The following IQSEC2 variants were observed in gnomAD, a reference collection of about 807,000 sequenced individuals.
IQSEC2 encodes IQ motif and SEC7 domain-containing protein 2.
Under a neutral mutation model 74.6 loss-of-function variants are expected in IQSEC2, and 6 were observed. The observed-to-expected ratio is 0.08, with a 90% CI of 0.04 to 0.16. IQSEC2 has a LOEUF of 0.16. Ranked by LOEUF, IQSEC2 falls within the 10% of genes least tolerant of loss-of-function variation. The pLI, the probability that IQSEC2 is intolerant of heterozygous loss-of-function variation, is 1.00. For missense variants in IQSEC2, 734 were observed against 1,306.2 expected, an observed-to-expected ratio of 0.56 and a Z score of 6.75; for synonymous variants, 494 against 544.5, an observed-to-expected ratio of 0.91 and a Z score of 1.29.
At chrX:53,270,110 C>T (rs1277655221) in intron 2 of IQSEC2, among the ~76,000 whole-genome samples, 1 of 110,749 alleles carries the variant, frequency 9.0e-6, no homozygotes, top group East Asian at 2.8e-4. Context: ...CCAGGATGGC[C>T]CTTTGGGCCT....
chrX:53,292,844 G>T (rs1362030406), intron 1 of IQSEC2, among the ~76,000 whole-genome samples: 2 of 111,625 alleles, frequency 1.8e-5, no homozygotes, highest in African/African-American at 3.3e-5. Context: ...AGGACAGTGG[G>T]GCTGGTGTTC....
intron 2 of IQSEC2, among the ~76,000 whole-genome samples, chrX:53,288,711 C>T (rs969855578): frequency 3.6e-5 from 4 of 112,347 alleles, no homozygotes; most frequent in African/African-American, 1.3e-4. Flanking sequence ...ACTTTAAGTT[C>T]TCTCATCAAC....
intron 12 of IQSEC2, 166 bp downstream of exon 12, chrX:53,237,979 C>T: frequency 1.8e-6 from 1 of 556,255 alleles, no homozygotes; most frequent in Non-Finnish European, 3.1e-6. Flanking sequence ...TAATGAGCCC[C>T]TTGTCACTGA....
At chrX:53,296,860 C>A (rs1460272259) in intron 1 of IQSEC2, among the ~76,000 whole-genome samples, 2 of 111,969 alleles carry the variant, frequency 1.8e-5, no homozygotes, top group African/African-American at 6.5e-5. Flanking sequence ...CCGTACCCAG[C>A]CTAAATGCTG....
At chrX:53,240,237 G>C (rs2147038974) in intron 10 of IQSEC2, among the ~76,000 whole-genome samples, 1 of 112,290 alleles carries the variant, frequency 8.9e-6, no homozygotes. Context: ...GCTCAACTGG[G>C]GGTGATATTG....
intron 1 of IQSEC2, among the ~76,000 whole-genome samples, chrX:53,316,204 T>C (rs1434774984): frequency 8.9e-6 from 1 of 111,861 alleles, no homozygotes; most frequent in Non-Finnish European, 1.9e-5. Context: ...CAAGAAATGT[T>C]TGTAGATGAT....
At chrX:53,265,900 A>C (rs1475835483) in intron 2 of IQSEC2, among the ~76,000 whole-genome samples, 1 of 112,822 alleles carries the variant, frequency 8.9e-6, no homozygotes, top group Non-Finnish European at 1.9e-5. Context: ...GAATTATGCA[A>C]TCTTAAAACC....
chrX:53,284,620 C>T (rs930106374), intron 2 of IQSEC2, among the ~76,000 whole-genome samples: 1 of 111,223 alleles, frequency 9.0e-6, no homozygotes, highest in Admixed American at 9.6e-5. Context: ...TGTGTCCTTC[C>T]GCCCTGCTCT....
intron 2 of IQSEC2, among the ~76,000 whole-genome samples, chrX:53,265,356 T>A (rs1213466514): frequency 5.4e-5 from 6 of 110,753 alleles, no homozygotes; most frequent in African/African-American, 2.0e-4. Flanking sequence ...CACCTGGGCC[T>A]TAATCAAAAC....
At chrX:53,235,256 T>A in intron 14 of IQSEC2, 72 bp from the exon 15 acceptor site, 1 of 1,137,341 alleles carries the variant, frequency 8.8e-7, no homozygotes, top group East Asian at 3.3e-5. Flanking sequence ...TCCACCCCTG[T>A]CCCTGAGGGC....
intron 4 of IQSEC2, among the ~76,000 whole-genome samples, chrX:53,251,735 G>A (rs1359798643): frequency 1.8e-5 from 2 of 112,097 alleles, no homozygotes; most frequent in Non-Finnish European, 3.8e-5. Flanking sequence ...TGGCAGAAGC[G>A]AATGTATGTC....
At position 53,321,163 on chromosome X, in the gene IQSEC2, T is replaced by A. The variant is rs1556880400; in HGVS notation, c.-40A>T. ...GGCAGGGGAACGGGCAGGAGAGCCCTGTCCCCGCTCTCTCACGGCGCCACC... is the reference window on the plus strand; with the variant it reads ...GGCAGGGGAACGGGCAGGAGAGCCCAGTCCCCGCTCTCTCACGGCGCCACC... On this transcript the variant is annotated 5_prime_UTR_variant, in exon 1 of 15. Transcript: ENST00000642864. The A allele has an allele frequency of 1.1e-6, 1 of 879,895 alleles. No individual in the cohort carries two copies. Among genetic ancestry groups the A allele is most frequent in the Non-Finnish European group, 1.6e-6 (1 of 629,541 alleles). The allele number at this position is 879,895 out of a possible 1,213,427, so 72.5% of individuals were successfully genotyped here.
intron 2 of IQSEC2, chrX:53,279,699 A>C: frequency 1.1e-6 from 1 of 905,802 alleles, no homozygotes; most frequent in Non-Finnish European, 1.6e-6. Flanking sequence ...AGAGAGAGAG[A>C]CAGGGAGGGA....
chrX:53,317,013 G>C (rs782483654), intron 1 of IQSEC2, among the ~76,000 whole-genome samples: 1 of 110,399 alleles, frequency 9.1e-6, no homozygotes, highest in South Asian at 3.9e-4. Context: ...CCCATGCAAA[G>C]AGCGTGGGAA....
intron 1 of IQSEC2, among the ~76,000 whole-genome samples, chrX:53,308,877 C>T (rs923305307): frequency 9.1e-6 from 1 of 109,858 alleles, no homozygotes; most frequent in African/African-American, 3.3e-5. Flanking sequence ...GGATGAGGAT[C>T]ACTTGAGCCT....
intron 1 of IQSEC2, among the ~76,000 whole-genome samples, chrX:53,317,289 T>G (rs927316806): frequency 9.0e-6 from 1 of 111,470 alleles, no homozygotes; most frequent in Non-Finnish European, 1.9e-5. Flanking sequence ...CGCATCTCAC[T>G]CTATCTGCAC....
chrX:53,315,161 T>G (rs1490752965), intron 1 of IQSEC2, among the ~76,000 whole-genome samples: 1 of 111,382 alleles, frequency 9.0e-6, no homozygotes, highest in African/African-American at 3.3e-5. Flanking sequence ...GAGGCAGAGG[T>G]GGGCGGATCA....
At chrX:53,305,648 T>A (rs2075254202) in intron 1 of IQSEC2, among the ~76,000 whole-genome samples, 1 of 112,349 alleles carries the variant, frequency 8.9e-6, no homozygotes, top group African/African-American at 3.2e-5. Flanking sequence ...GCAATGTGAC[T>A]TACCCAGACT....
intron 2 of IQSEC2, among the ~76,000 whole-genome samples, chrX:53,261,719 T>A (rs2074572431): frequency 9.0e-6 from 1 of 111,251 alleles, no homozygotes; most frequent in Non-Finnish European, 1.9e-5. Flanking sequence ...GGCTATTCTG[T>A]GGGGGAAATT....
Sources: gnomAD v4.1 joint callset for allele counts (sites outside exome capture counted in the v4.1 genomes callset) on GRCh38, gnomAD v4.1.1 for gene constraint, MANE v1.5 for transcripts, NCBI Gene and HGNC (gene_info 2026-07-23, HGNC 2026-07-21) for gene names.